The following ILRUN variants were observed in gnomAD, a reference collection of about 807,000 sequenced individuals.
ILRUN encodes protein ILRUN.
A neutral mutation model predicts 33.8 loss-of-function variants in ILRUN; 3 were observed. That is an observed-to-expected ratio of 0.09 (90% CI 0.04 to 0.23). ILRUN has a LOEUF of 0.23. Ranked by LOEUF, ILRUN falls within the 10% of genes least tolerant of loss-of-function variation. The probability of loss-of-function intolerance (pLI) is 1.00; values close to 1 mark genes in which losing one functional copy is unlikely to be tolerated. For missense variants in ILRUN, 210 were observed against 375.1 expected (o/e 0.56, Z 3.64); for synonymous variants, 124 against 138.9 (o/e 0.89, Z 0.75).
chr6:34,677,532 A>G (rs188190599), intron 1 of ILRUN, among the ~76,000 whole-genome samples: 4 of 151,482 alleles, frequency 2.6e-5, no homozygotes, highest in Admixed American at 2.0e-4. Context: ...TTTGAAATAT[A>G]TAATATGCAT....
chr6:34,619,862 G>T (rs1164993304), intron 3 of ILRUN, among the ~76,000 whole-genome samples: 1 of 151,840 alleles, frequency 6.6e-6, no homozygotes, highest in Non-Finnish European at 1.5e-5. Context: ...GTGCAGGCCC[G>T]TAGTCCCAGC....
intron 1 of ILRUN, 28 bp from the exon 2 acceptor site, chr6:34,654,807 C>T (rs757364460): frequency 1.5e-5 from 24 of 1,604,226 alleles, no homozygotes; most frequent in Non-Finnish European, 2.0e-5. Context: ...AGGCAACAGA[C>T]TTCAGTACTG....
chr6:34,645,613 T>A (rs1033312194), intron 3 of ILRUN, among the ~76,000 whole-genome samples: 2 of 152,096 alleles, frequency 1.3e-5, no homozygotes, highest in Admixed American at 1.3e-4. Context: ...TTCATGCAAT[T>A]CTCCCACTTC....
chr6:34,674,905 T>C (rs1356906214), intron 1 of ILRUN, among the ~76,000 whole-genome samples: 1 of 151,802 alleles, frequency 6.6e-6, no homozygotes, highest in Non-Finnish European at 1.5e-5. Context: ...TCCACACACA[T>C]ACACACAAAA....
At chr6:34,621,456 A>G (rs1428659860) in intron 3 of ILRUN, among the ~76,000 whole-genome samples, 1 of 152,122 alleles carries the variant, frequency 6.6e-6, no homozygotes, top group East Asian at 1.9e-4. Context: ...TGGAGGGATC[A>G]GGCTGTTACC....
chr6:34,686,478 C>G (rs561843613), intron 1 of ILRUN: 3 of 149,132 alleles, frequency 2.0e-5, no homozygotes, highest in African/African-American at 7.4e-5. Context: ...CCAGCCCGGG[C>G]AACAGAGTGA....
chr6:34,683,465 T>TATATATATACATATATATATAC (rs1562033022), intron 1 of ILRUN, among the ~76,000 whole-genome samples: 4 of 102,122 alleles, frequency 3.9e-5, no homozygotes, highest in East Asian at 2.6e-4. Flanking sequence ...TATATATACA[T>TATATATATACATATATATATAC]ATATATACAC....
chr6:34,688,685 C>T (rs2744953), intron 1 of ILRUN, among the ~76,000 whole-genome samples: 37,390 of 151,914 alleles, frequency 0.25, 4,675 homozygotes, highest in East Asian at 0.33. Flanking sequence ...TGATCTTGCA[C>T]GCCTGTAATC....
chr6:34,684,606 A>G (rs1194699817), intron 1 of ILRUN, among the ~76,000 whole-genome samples: 1 of 152,208 alleles, frequency 6.6e-6, no homozygotes, highest in African/African-American at 2.4e-5. Context: ...GTGTGTTTCT[A>G]TACATAATAA....
At chr6:34,662,305 CAAAAAAA>C (rs528133769) in intron 1 of ILRUN, among the ~76,000 whole-genome samples, 3 of 75,188 alleles carry the variant, frequency 4.0e-5, no homozygotes, top group Admixed American at 1.5e-4. Context: ...GACTCCGTCT[CAAAAAAA>C]AAAAAAAAGA....
chr6:34,610,988 A>T (rs896752780), intron 3 of ILRUN, among the ~76,000 whole-genome samples: 1 of 151,974 alleles, frequency 6.6e-6, no homozygotes, highest in Non-Finnish European at 1.5e-5. Flanking sequence ...AGGAACGAGG[A>T]TCACTTGAGC....
intron 3 of ILRUN, among the ~76,000 whole-genome samples, chr6:34,643,351 A>G (rs1762510654): frequency 6.6e-6 from 1 of 151,708 alleles, no homozygotes; most frequent in Non-Finnish European, 1.5e-5. Context: ...TAAGAAACTC[A>G]GCCAAAGCTT....
intron 1 of ILRUN, among the ~76,000 whole-genome samples, chr6:34,674,265 G>A (rs950352070): frequency 6.6e-5 from 10 of 152,196 alleles, no homozygotes; most frequent in African/African-American, 2.4e-4. Flanking sequence ...GACCTCAGGT[G>A]ATTTGCCTGC....
intron 1 of ILRUN, among the ~76,000 whole-genome samples, chr6:34,657,498 T>C (rs1481261486): frequency 6.6e-6 from 1 of 152,212 alleles, no homozygotes; most frequent in Admixed American, 6.5e-5. Flanking sequence ...ATGTGTATTA[T>C]ACAGGTAATT....
intron 4 of ILRUN, among the ~76,000 whole-genome samples, chr6:34,601,784 C>T (rs1761514793): frequency 6.6e-6 from 1 of 151,806 alleles, no homozygotes; most frequent in Admixed American, 6.6e-5. Context: ...ACATAGATAG[C>T]AGCAGGTGAG....
At chr6:34,682,021 C>CTTTTTTTTT (rs1377020252) in intron 1 of ILRUN, among the ~76,000 whole-genome samples, 12,550 of 127,080 alleles carry the variant, frequency 0.099, 989 homozygotes, top group African/African-American at 0.13. Context: ...CCCACTAATT[C>CTTTTTTTTT]TTATATTTTT....
intron 1 of ILRUN, among the ~76,000 whole-genome samples, chr6:34,669,279 A>G (rs1303799968): frequency 7.2e-6 from 1 of 139,604 alleles, no homozygotes; most frequent in Non-Finnish European, 1.5e-5. Flanking sequence ...ATGTACCATC[A>G]CACCCAGCTA....
intron 1 of ILRUN, among the ~76,000 whole-genome samples, chr6:34,681,845 A>ATTTTTT (rs1168522578): frequency 1.2e-4 from 10 of 85,396 alleles, no homozygotes; most frequent in Admixed American, 4.7e-4. Context: ...CCACCACTAC[A>ATTTTTT]TTTTTTTTTT....
intron 3 of ILRUN, among the ~76,000 whole-genome samples, chr6:34,607,199 GA>G (rs1761652822): frequency 1.3e-5 from 2 of 152,164 alleles, no homozygotes; most frequent in South Asian, 4.1e-4. Context: ...GTCATCTTTG[GA>G]AATCATTATT....
Sources: allele counts gnomAD v4.1 joint callset (sites outside exome capture counted in the v4.1 genomes callset), GRCh38; gene constraint gnomAD v4.1.1; transcripts MANE v1.5; gene names NCBI Gene and HGNC (gene_info 2026-07-23, HGNC 2026-07-21).